Variants in FNBP1 observed in about 807,000 individuals in gnomAD.
FNBP1 encodes the protein formin-binding protein 1.
A neutral mutation model predicts 90.6 loss-of-function variants in FNBP1; 26 were observed. That is an observed-to-expected ratio of 0.29 (90% CI 0.21 to 0.40). The LOEUF is 0.40. Ranked by LOEUF, FNBP1 falls within the 10% of genes least tolerant of loss-of-function variation. The probability of loss-of-function intolerance (pLI) is 1.00; values close to 1 mark genes in which losing one functional copy is unlikely to be tolerated. For synonymous variants in FNBP1, 260 were observed against 265.2 expected, an observed-to-expected ratio of 0.98 and a Z score of 0.19; for missense variants, 635 against 768.0, an observed-to-expected ratio of 0.83 and a Z score of 2.05.
rs140689853 is a variant in FNBP1, at chr9:129,971,400, T to C, written c.345+7065A>G. 1.8e-3 allele frequency among the ~76,000 whole-genome samples: 270 copies of C among 151,290 alleles called. 5 individuals carry two copies. In the East Asian group the frequency reaches 0.046, roughly 26 times the overall value. ...TTTACAGTTAGATTTTTGTTTTTTG[T>C]TTTTTTTTAAGACAGAGTCTCACTC... On this transcript the variant is annotated intron_variant, in intron 4 of 16. Transcript: ENST00000446176.
At chr9:129,894,060 A>G (rs1041437535) in intron 16 of FNBP1, among the ~76,000 whole-genome samples, 2 of 152,148 alleles carry the variant, frequency 1.3e-5, no homozygotes, top group Admixed American at 6.6e-5. Flanking sequence ...CTGCTTGGAA[A>G]ATCAGCTTTA....
intron 11 of FNBP1, among the ~76,000 whole-genome samples, chr9:129,911,911 G>C (rs1377683146): frequency 9.2e-5 from 13 of 141,606 alleles, no homozygotes; most frequent in Non-Finnish European, 9.1e-5. Flanking sequence ...CAGCCTGGGC[G>C]ACGGGCGAGA....
At chr9:129,991,467 C>G (rs567094232) in intron 2 of FNBP1, among the ~76,000 whole-genome samples, 1 of 151,458 alleles carries the variant, frequency 6.6e-6, no homozygotes, top group South Asian at 2.1e-4. Context: ...GAGGCAGGGT[C>G]TCGCTATGTT....
At chr9:129,960,662 T>C (rs1327800554) in intron 4 of FNBP1, among the ~76,000 whole-genome samples, 1 of 152,032 alleles carries the variant, frequency 6.6e-6, no homozygotes, top group East Asian at 1.9e-4. Flanking sequence ...TCTTGTAGGC[T>C]TTTTTGCCTG....
chr9:129,984,206 T>C (rs1183798137), intron 2 of FNBP1, among the ~76,000 whole-genome samples: 5 of 151,912 alleles, frequency 3.3e-5, no homozygotes, highest in Admixed American at 2.0e-4. Flanking sequence ...AGCCAGAGAA[T>C]TGTGCTTTCC....
the FNBP1 span, among the ~76,000 whole-genome samples, chr9:130,048,314 CAAAAAA>C: frequency 3.2e-4 from 16 of 50,722 alleles, no homozygotes; most frequent in East Asian, 3.6e-3. Context: ...GACTCCATCT[CAAAAAA>C]AAAAAAAAAA....
chr9:129,890,177 CTG>C lies in FNBP1; in HGVS notation c.*360_*361del. The C allele has an allele frequency of 2.5e-6, 1 of 403,834 alleles. No individual in the cohort carries two copies. Among genetic ancestry groups the C allele is most frequent in the Non-Finnish European group, 4.5e-6 (1 of 222,726 alleles). 25.0% of individuals were successfully genotyped at this position (403,834 alleles called of 1,614,324 possible). A position where few individuals can be genotyped will look rare whatever the true frequency, so the allele number is the denominator to read the frequency against. ...CGTGATGACACTTTCACAAAAGGCA[CTG>C]TGTGAAGCGCGGAAGGGCTGCCAGG... On this transcript the variant is annotated 3_prime_UTR_variant, in exon 17 of 17. Transcript: ENST00000446176. This position sits in a 1 kb window ranked among gnomAD's most constrained non-coding sequence, Gnocchi z 5.8.
rs528702810 is a variant in FNBP1, at chr9:129,888,348, G to A, written c.*2191C>T. On this transcript the variant is annotated 3_prime_UTR_variant, in exon 17 of 17. Coordinates refer to ENST00000446176, the MANE Select transcript of FNBP1 (RefSeq NM_015033.3). ...TGGTCCACTTGACTTGGTGAGGTCA[G>A]AAGTTCCTGAAGATCCCTGTCGTCC... 4.3e-6 allele frequency: 1 copy of A among 232,796 alleles called. No individual in the cohort carries two copies. The highest frequency in any genetic ancestry group is 8.5e-6 in the Non-Finnish European group (1 of 117,736). 14.4% of individuals were successfully genotyped at this position (232,796 alleles called of 1,614,324 possible).
chr9:129,939,771 C>G (rs2044056730), intron 6 of FNBP1, among the ~76,000 whole-genome samples: 1 of 152,084 alleles, frequency 6.6e-6, no homozygotes, highest in Non-Finnish European at 1.5e-5. Flanking sequence ...GGAGAAAAAA[C>G]AATCTCTGTC....
At chr9:129,952,889 A>G (rs374786200) in intron 6 of FNBP1, among the ~76,000 whole-genome samples, 2 of 152,192 alleles carry the variant, frequency 1.3e-5, no homozygotes, top group South Asian at 2.1e-4. Flanking sequence ...TAACTCAGTT[A>G]ATATTCGCAT....
chr9:129,959,920 G>C (rs2047530709), intron 4 of FNBP1, among the ~76,000 whole-genome samples: 1 of 152,044 alleles, frequency 6.6e-6, no homozygotes, highest in South Asian at 2.1e-4. Context: ...TGAGGCCTTT[G>C]GTAACTGGGA....
At chr9:130,047,651 G>GT (rs34555237), upstream of FNBP1, among the ~76,000 whole-genome samples, 9 of 149,664 alleles carry the variant, frequency 6.0e-5, no homozygotes, top group African/African-American at 2.0e-4. Context: ...GTAAGTTTAT[G>GT]TTTTTTTTTT....
At chr9:129,912,874 G>A (rs1268512042) in intron 11 of FNBP1, among the ~76,000 whole-genome samples, 1 of 151,958 alleles carries the variant, frequency 6.6e-6, no homozygotes, top group Non-Finnish European at 1.5e-5. Flanking sequence ...AAATGTGGCT[G>A]GTGAAATTGT....
chr9:129,929,315 C>G (rs1033284372), intron 7 of FNBP1, among the ~76,000 whole-genome samples: 2 of 144,144 alleles, frequency 1.4e-5, no homozygotes, highest in African/African-American at 5.2e-5. Context: ...GAGGCTGAGG[C>G]AGGAGAGTCA....
intron 8 of FNBP1, 28 bp downstream of exon 8, chr9:129,927,167 T>C: frequency 5.0e-6 from 8 of 1,610,172 alleles, no homozygotes; most frequent in African/African-American, 2.7e-5. Context: ...CAAATAGTTA[T>C]CAATGAAGTC....
the FNBP1 span, among the ~76,000 whole-genome samples, chr9:130,049,565 T>G: frequency 1.3e-5 from 2 of 151,480 alleles, no homozygotes; most frequent in African/African-American, 4.9e-5. Flanking sequence ...ATACAAAAAT[T>G]AGCCCGGCAC....
intron 2 of FNBP1, among the ~76,000 whole-genome samples, chr9:129,989,250 T>C (rs1477844822): frequency 6.6e-6 from 1 of 152,232 alleles, no homozygotes; most frequent in Non-Finnish European, 1.5e-5. Flanking sequence ...CTAATTTGCA[T>C]GCAGTTCTGT....
At chr9:129,940,914 C>G (rs894029341) in intron 6 of FNBP1, among the ~76,000 whole-genome samples, 2 of 151,866 alleles carry the variant, frequency 1.3e-5, no homozygotes, top group Non-Finnish European at 2.9e-5. Flanking sequence ...CGTGAGCCAC[C>G]ACACTGAGTT....
At chr9:130,028,906 TTAGA>T (rs1370165398) in intron 1 of FNBP1, among the ~76,000 whole-genome samples, 1 of 152,170 alleles carries the variant, frequency 6.6e-6, no homozygotes, top group Non-Finnish European at 1.5e-5. Flanking sequence ...CGACGCAATA[TTAGA>T]TAATTAGTTA....
Sources: gnomAD v4.1 joint callset for allele counts (sites outside exome capture counted in the v4.1 genomes callset) on GRCh38, gnomAD v4.1.1 for gene constraint, Gnocchi (gnomAD v3.1) non-coding constraint, MANE v1.5 for transcripts, NCBI Gene and HGNC (gene_info 2026-07-23, HGNC 2026-07-21) for gene names.